The following SGK1 variants were observed in gnomAD, a reference collection of about 807,000 sequenced individuals.
The protein encoded by SGK1 is serum/glucocorticoid regulated kinase 1, also known as serine/threonine-protein kinase Sgk1.
Under a neutral mutation model 64.2 loss-of-function variants are expected in SGK1, and 26 were observed. That is an observed-to-expected ratio of 0.40 (90% confidence interval 0.30 to 0.56). The LOEUF (loss-of-function observed/expected upper bound fraction) is 0.56, where lower values mean the gene tolerates loss of function less well. Among genes scored for constraint, SGK1 ranks in the 20% least tolerant of loss-of-function variants. The pLI, the probability that SGK1 is intolerant of heterozygous loss-of-function variation, is 0.38. For synonymous variants in SGK1, 265 were observed against 239.7 expected (o/e 1.11, Z -0.98); for missense variants, 519 against 645.6 (o/e 0.80, Z 2.12).
chr6:134,219,267 C>T (rs1776039843), intron 2 of SGK1, among the ~76,000 whole-genome samples: 1 of 152,028 alleles, frequency 6.6e-6, no homozygotes, highest in Non-Finnish European at 1.5e-5. Flanking sequence ...CCGCCTTGGC[C>T]TCCCAAAGTG....
intron 1 of SGK1, among the ~76,000 whole-genome samples, chr6:134,295,546 A>T (rs1777335106): frequency 6.6e-6 from 1 of 152,234 alleles, no homozygotes; most frequent in Admixed American, 6.5e-5. Context: ...TCTACTAAAA[A>T]TACAAAAATT....
At chr6:134,206,375 ATATATATATTT>A (rs1775781694) in intron 3 of SGK1, among the ~76,000 whole-genome samples, 2 of 4,250 alleles carry the variant, frequency 4.7e-4, no homozygotes, top group African/African-American at 1.2e-3. Context: ...ATATATATAT[ATATATATATTT>A]TTTTTTTTTT....
rs1776303420 is a variant in SGK1 at position 134,232,471 on chromosome 6, GAAAGAA to G, written c.286-25046_286-25041del. Reference sequence around the variant, plus strand: ...AGAAAGAAAGAAAGAAAGAAAGAAAGAAAGAAAGAAAGAGAAAGAAAAAGAAAAGAA... The same window carrying G: ...AGAAAGAAAGAAAGAAAGAAAGAAAGAGAAAGAGAAAGAAAAAGAAAAGAA... On this transcript the variant is annotated intron_variant, in intron 2 of 13. Coordinates refer to ENST00000367858, the MANE Select transcript of SGK1 (RefSeq NM_001143676.3). Among the ~76,000 whole-genome samples the G allele has an allele frequency of 1.5e-4, 2 of 12,994 alleles. 1 individual carries two copies. Among genetic ancestry groups the G allele is most frequent in the Non-Finnish European group, 4.8e-4 (2 of 4,178 alleles). The allele number at this position is 12,994 out of a possible 152,430, so 8.5% of individuals were successfully genotyped here.
intron 2 of SGK1, among the ~76,000 whole-genome samples, chr6:134,225,032 A>G (rs1401518419): frequency 6.7e-6 from 1 of 149,074 alleles, no homozygotes; most frequent in Non-Finnish European, 1.5e-5. Flanking sequence ...AAGAAAAAAG[A>G]AAGAAATCTT....
chr6:134,301,213 A>G (rs1331105102), intron 1 of SGK1, among the ~76,000 whole-genome samples: 2 of 152,214 alleles, frequency 1.3e-5, no homozygotes, highest in Non-Finnish European at 2.9e-5. Flanking sequence ...TGAATAACAG[A>G]TTACATTTAA....
intron 3 of SGK1, among the ~76,000 whole-genome samples, chr6:134,175,212 A>G (rs1020495036): frequency 8.5e-5 from 13 of 152,208 alleles, no homozygotes; most frequent in African/African-American, 2.6e-4. Flanking sequence ...CCGCCGGAGA[A>G]AGCCGGGTTC....
At chr6:134,201,443 C>A (rs1261294906) in intron 3 of SGK1, among the ~76,000 whole-genome samples, 1 of 151,864 alleles carries the variant, frequency 6.6e-6, no homozygotes, top group African/African-American at 2.4e-5. Flanking sequence ...CTCATTGCAA[C>A]CTCTGCCTCC....
At chr6:134,209,590 C>A (rs1334090848) in intron 2 of SGK1, among the ~76,000 whole-genome samples, 4 of 152,154 alleles carry the variant, frequency 2.6e-5, no homozygotes, top group Admixed American at 1.3e-4. Context: ...TGGATAAATT[C>A]CTTCCATTGC....
At chr6:134,299,137 T>A (rs1269623096) in intron 1 of SGK1, among the ~76,000 whole-genome samples, 1 of 151,016 alleles carries the variant, frequency 6.6e-6, no homozygotes, top group Non-Finnish European at 1.5e-5. Context: ...GAAAGCAATC[T>A]GTGCAATTCA....
chr6:134,296,969 C>A (rs1777361846), intron 1 of SGK1: 1 of 417,668 alleles, frequency 2.4e-6, no homozygotes, highest in Non-Finnish European at 4.7e-6. Flanking sequence ...GCAAGAGGGG[C>A]AGGCTGGGAG....
chr6:134,261,957 T>A lies in SGK1; in HGVS notation c.261A>T (p.Ser87=), dbSNP rs779232021. 6.2e-7 allele frequency: 1 copy of A among 1,613,484 alleles called. No homozygotes were observed. Among genetic ancestry groups the A allele is most frequent in the Non-Finnish European group, 8.5e-7 (1 of 1,179,524 alleles). ...GVLPQENESC[S]WETQSGCEVR... ...CTTCACACCCAGATTGAGTTTCCCA[T>A]GAACATGACTCGTTCTCCTGAGGGA... The change falls in exon 2 of 14, where the codon TCA becomes TCT. Residue 87 remains serine (S), a synonymous_variant. Coordinates refer to ENST00000367858, the MANE Select transcript of SGK1 (RefSeq NM_001143676.3).
chr6:134,281,123 C>T (rs545861130), intron 1 of SGK1, among the ~76,000 whole-genome samples: 1 of 152,306 alleles, frequency 6.6e-6, no homozygotes, highest in Admixed American at 6.5e-5. Context: ...ACACCCTCAT[C>T]TGCTCAAGCT....
chr6:134,280,515 C>T (rs112840046), intron 1 of SGK1, among the ~76,000 whole-genome samples: 44 of 152,242 alleles, frequency 2.9e-4, no homozygotes, highest in Middle Eastern at 6.8e-3. Flanking sequence ...CGGGCTCAAG[C>T]GATTCTCCCA....
Position 134,264,645 on chromosome 6 carries a change from T to TATTATTA in SGK1, c.70-2498_70-2497insTAATAAT, listed in dbSNP as rs1469641540. ...ATGCTACAATTATTATTATTATTAT[T>TATTATTA]TTTGTTGTTGTTGTTGTTAAAGGGT... On this transcript the variant is annotated intron_variant, in intron 1 of 13. Coordinates refer to ENST00000367858, the MANE Select transcript of SGK1 (RefSeq NM_001143676.3). 1.1e-3 allele frequency among the ~76,000 whole-genome samples: 173 copies of TATTATTA among 151,236 alleles called. 2 individuals are homozygous for TATTATTA. Among genetic ancestry groups the TATTATTA allele is most frequent in the African/African-American group, 4.0e-3 (162 of 40,698 alleles).
intron 1 of SGK1, among the ~76,000 whole-genome samples, chr6:134,307,322 G>A (rs1359040272): frequency 6.6e-6 from 1 of 152,236 alleles, no homozygotes; most frequent in African/African-American, 2.4e-5. Flanking sequence ...TGTATACAAT[G>A]AGTGCCAAGT....
intron 1 of SGK1, among the ~76,000 whole-genome samples, chr6:134,264,066 C>T (rs528971010): frequency 7.9e-5 from 12 of 151,774 alleles, no homozygotes; most frequent in South Asian, 6.2e-4. Context: ...GGAGTAAAGG[C>T]GGGATCCAGG....
At chr6:134,174,302 G>A in intron 4 of SGK1, 1 of 603,442 alleles carries the variant, frequency 1.7e-6, no homozygotes. Flanking sequence ...CGGCCAACAC[G>A]AACCATTTAT....
intron 3 of SGK1, among the ~76,000 whole-genome samples, chr6:134,185,632 G>A (rs1775410810): frequency 6.6e-6 from 1 of 151,562 alleles, no homozygotes; most frequent in Non-Finnish European, 1.5e-5. Flanking sequence ...TATATCTAGA[G>A]GGAGACAGAG....
chr6:134,300,310 G>A (rs552435535), intron 1 of SGK1, among the ~76,000 whole-genome samples: 3 of 151,786 alleles, frequency 2.0e-5, no homozygotes, highest in South Asian at 2.1e-4. Context: ...AGGCCGAGAC[G>A]GGCAGATCAC....
Sources: allele counts gnomAD v4.1 joint callset (sites outside exome capture counted in the v4.1 genomes callset), GRCh38; gene constraint gnomAD v4.1.1; transcripts MANE v1.5; gene names NCBI Gene and HGNC (gene_info 2026-07-23, HGNC 2026-07-21).